FRMPD1: variants seen among roughly 807,000 people sequenced by gnomAD.
FRMPD1 encodes the protein FERM and PDZ domain-containing protein 1.
A neutral mutation model predicts 117.8 loss-of-function variants in FRMPD1; 76 were observed. That is an observed-to-expected ratio of 0.65 (90% CI 0.54 to 0.78). The LOEUF (loss-of-function observed/expected upper bound fraction) is 0.78, where lower values mean the gene tolerates loss of function less well. FRMPD1 is among the 30% of genes least tolerant of loss of function. The pLI, the probability that FRMPD1 is intolerant of heterozygous loss-of-function variation, is 0.00. For synonymous variants in FRMPD1, 783 were observed against 770.4 expected (o/e 1.02, Z -0.27); for missense variants, 1,786 against 1,964.5 (o/e 0.91, Z 1.72).
chr9:37,620,743 A>G, the FRMPD1 span, among the ~76,000 whole-genome samples: 9 of 152,188 alleles, frequency 5.9e-5, no homozygotes, highest in East Asian at 1.9e-4. Flanking sequence ...ATAATGAAAT[A>G]TCTTCTGGCC....
chr9:37,726,173 G>A (rs985185847), intron 7 of FRMPD1, among the ~76,000 whole-genome samples: 4 of 152,070 alleles, frequency 2.6e-5, no homozygotes, highest in African/African-American at 9.7e-5. Flanking sequence ...AGCTGTTTAC[G>A]ACACAGAGAA....
At chr9:37,672,695 A>G (rs1310531053) in intron 1 of FRMPD1, among the ~76,000 whole-genome samples, 1 of 152,104 alleles carries the variant, frequency 6.6e-6, no homozygotes, top group Non-Finnish European at 1.5e-5. Flanking sequence ...CATACCCGAG[A>G]CTGGGAAGAA....
chr9:37,649,334 C>T (rs10973454), upstream of FRMPD1, among the ~76,000 whole-genome samples: 7,316 of 152,162 alleles, frequency 0.048, 205 homozygotes, highest in Middle Eastern at 0.061. Flanking sequence ...TTTTAAAAAG[C>T]TTTCATTATT....
At chr9:37,706,296 T>C (rs1027073717) in intron 2 of FRMPD1, among the ~76,000 whole-genome samples, 4 of 152,174 alleles carry the variant, frequency 2.6e-5, no homozygotes, top group Non-Finnish European at 4.4e-5. Flanking sequence ...CAGTTTTTCA[T>C]ATTTCCGGAT....
At chr9:37,610,478 AC>A in the FRMPD1 span, among the ~76,000 whole-genome samples, 4 of 152,154 alleles carry the variant, frequency 2.6e-5, no homozygotes, top group South Asian at 4.2e-4. Context: ...TGTCAAAAAA[AC>A]AACAACAAAA....
At chr9:37,670,670 A>T (rs561022278) in intron 1 of FRMPD1, among the ~76,000 whole-genome samples, 1 of 152,356 alleles carries the variant, frequency 6.6e-6, no homozygotes, top group African/African-American at 2.4e-5. Flanking sequence ...CCTGAAGGCA[A>T]TGGGGAGTCA....
intron 8 of FRMPD1, 98 bp downstream of exon 8, chr9:37,729,951 G>A: frequency 7.9e-7 from 1 of 1,271,498 alleles, no homozygotes; most frequent in Non-Finnish European, 1.1e-6. Flanking sequence ...ACATCTGCAG[G>A]TTTGATGCAC....
At chr9:37,631,975 G>A in the FRMPD1 span, among the ~76,000 whole-genome samples, 62 of 152,260 alleles carry the variant, frequency 4.1e-4, no homozygotes, top group African/African-American at 1.5e-3. Flanking sequence ...CCTGATAAGA[G>A]AAGTAATACA....
the FRMPD1 span, among the ~76,000 whole-genome samples, chr9:37,638,069 T>TTCTTTCC: frequency 1.7e-3 from 247 of 145,460 alleles, 3 homozygotes; most frequent in African/African-American, 6.1e-3. Flanking sequence ...CTTTCCTTCT[T>TTCTTTCC]TTCTTTTCTT....
intron 1 of FRMPD1, among the ~76,000 whole-genome samples, chr9:37,657,123 C>T (rs1197287265): frequency 6.6e-6 from 1 of 152,212 alleles, no homozygotes; most frequent in Non-Finnish European, 1.5e-5. Flanking sequence ...GCATCATTCT[C>T]TGAGATTTTT....
intron 8 of FRMPD1, 78 bp downstream of exon 8, chr9:37,729,931 A>G: frequency 6.8e-7 from 1 of 1,468,518 alleles, no homozygotes; most frequent in Non-Finnish European, 9.3e-7. Flanking sequence ...CTCTGGGGAC[A>G]GGGCTCAGCA....
chr9:37,713,400 G>A (rs1300051544), intron 5 of FRMPD1, among the ~76,000 whole-genome samples: 1 of 152,070 alleles, frequency 6.6e-6, no homozygotes, highest in Non-Finnish European at 1.5e-5. Flanking sequence ...AGCTTGAGCT[G>A]AGGAGTTCAA....
chr9:37,652,232 A>T (rs1363600246), intron 1 of FRMPD1, among the ~76,000 whole-genome samples: 1 of 152,122 alleles, frequency 6.6e-6, no homozygotes, highest in Admixed American at 6.5e-5. Context: ...CTAGTCTAAG[A>T]TGATGGTTGA....
chr9:37,719,800 G>A (rs1379292817), intron 6 of FRMPD1, among the ~76,000 whole-genome samples: 1 of 152,182 alleles, frequency 6.6e-6, no homozygotes, highest in Non-Finnish European at 1.5e-5. Context: ...TTGATATGGA[G>A]GGACCCAGGG....
At chr9:37,730,037 G>A (rs896407240) in intron 8 of FRMPD1, among the ~76,000 whole-genome samples, 184 bp downstream of exon 8, 14 of 152,208 alleles carry the variant, frequency 9.2e-5, no homozygotes, top group African/African-American at 3.4e-4. Context: ...ATTTTCATCT[G>A]CTAGTATGAG....
At chr9:37,724,066 T>C (rs1823513156) in intron 6 of FRMPD1, among the ~76,000 whole-genome samples, 159 bp from the exon 7 acceptor site, 1 of 151,400 alleles carries the variant, frequency 6.6e-6, no homozygotes, top group African/African-American at 2.4e-5. Flanking sequence ...TCCCAGCTAT[T>C]TGGCAGGCTG....
chr9:37,625,450 G>C, the FRMPD1 span, among the ~76,000 whole-genome samples: 22 of 152,134 alleles, frequency 1.4e-4, no homozygotes, highest in Admixed American at 1.1e-3. Context: ...AAAGCCTTCC[G>C]TATTGCTTAC....
At chr9:37,655,585 C>T (rs533574858) in intron 1 of FRMPD1, among the ~76,000 whole-genome samples, 1 of 148,654 alleles carries the variant, frequency 6.7e-6, no homozygotes, top group African/African-American at 2.5e-5. Flanking sequence ...CTCACTGCAA[C>T]CTCTGCCTCC....
At chr9:37,729,121 G>A (rs563114284) in intron 7 of FRMPD1, among the ~76,000 whole-genome samples, 19 of 151,848 alleles carry the variant, frequency 1.3e-4, no homozygotes, top group South Asian at 6.2e-4. Context: ...GGTGGCAAAC[G>A]CCTATAATTC....
Sources: allele counts gnomAD v4.1 joint callset (sites outside exome capture counted in the v4.1 genomes callset), GRCh38; gene constraint gnomAD v4.1.1; transcripts MANE v1.5; gene names NCBI Gene and HGNC (gene_info 2026-07-23, HGNC 2026-07-21).